The following CBLIF variants were observed in gnomAD, a reference collection of about 807,000 sequenced individuals.
CBLIF encodes cobalamin binding intrinsic factor.
Under a neutral mutation model 44.9 loss-of-function variants are expected in CBLIF, and 24 were observed. The observed-to-expected ratio is 0.53, with a 90% CI of 0.39 to 0.75. The LOEUF (loss-of-function observed/expected upper bound fraction) is 0.75. CBLIF is among the 30% of genes least tolerant of loss of function. The pLI, the probability that CBLIF is intolerant of heterozygous loss-of-function variation, is 0.00. For synonymous variants in CBLIF, 183 were observed against 190.9 expected (o/e 0.96, Z 0.34); for missense variants, 481 against 513.0 (o/e 0.94, Z 0.60).
intron 3 of CBLIF, chr11:59,842,810 G>C (rs1866555541): frequency 1.6e-6 from 1 of 641,680 alleles, no homozygotes; most frequent in African/African-American, 1.8e-5. Context: ...GTGATGGCTG[G>C]ACAAGCTTGT....
chr11:59,833,864 TA>T (rs1423984433), intron 7 of CBLIF, among the ~76,000 whole-genome samples: 1 of 152,194 alleles, frequency 6.6e-6, no homozygotes, highest in Non-Finnish European at 1.5e-5. Flanking sequence ...AAACATGCCC[TA>T]AAAGTTAATT....
At chr11:59,834,284 CTTTCTTTCTTTCTTT>C (rs1565207455) in intron 7 of CBLIF, among the ~76,000 whole-genome samples, 5 of 137,056 alleles carry the variant, frequency 3.6e-5, no homozygotes, top group Admixed American at 1.5e-4. Flanking sequence ...TTCTTTCTTT[CTTTCTTTCTTTCTTT>C]CTTTCTTTCT....
chr11:59,831,479 TTATA>T (rs3973727), intron 8 of CBLIF, 195 bp downstream of exon 8: 637 of 206,218 alleles, frequency 3.1e-3, no homozygotes, highest in South Asian at 4.3e-3. Flanking sequence ...TATGTAATGA[TTATA>T]TATATATATA....
intron 7 of CBLIF, among the ~76,000 whole-genome samples, chr11:59,835,201 A>C (rs953019018): frequency 3.3e-5 from 5 of 149,646 alleles, no homozygotes; most frequent in African/African-American, 9.9e-5. Flanking sequence ...GCTGGGGTGC[A>C]ATGGCATGAT....
At chr11:59,834,296 CTTTCTT>C (rs1866420098) in intron 7 of CBLIF, among the ~76,000 whole-genome samples, 1 of 132,554 alleles carries the variant, frequency 7.5e-6, no homozygotes. Flanking sequence ...TTCTTTCTTT[CTTTCTT>C]TCTTTCTTTC....
chr11:59,830,799 C>T (rs1361663630), intron 8 of CBLIF, among the ~76,000 whole-genome samples: 1 of 152,164 alleles, frequency 6.6e-6, no homozygotes, highest in Non-Finnish European at 1.5e-5. Context: ...CACAGATTTA[C>T]TACTAATATA....
Position 59,832,176 on chromosome 11 carries a change from G to A in CBLIF, c.1074-380C>T, listed in dbSNP as rs72931257. Reference sequence around the variant, plus strand: ...TGTCTTTGCTATTGTGAATCGTGCTGCAATGGACATGGATGGAGGCCATTA... The same window carrying A: ...TGTCTTTGCTATTGTGAATCGTGCTACAATGGACATGGATGGAGGCCATTA... On this transcript the variant is annotated intron_variant, in intron 7 of 8. Coordinates refer to ENST00000257248, the MANE Select transcript of CBLIF (RefSeq NM_005142.3). Among the ~76,000 whole-genome samples, 183 of 152,280 alleles carry A rather than the reference G, an allele frequency of 1.2e-3. 1 individual carries two copies. Among genetic ancestry groups the A allele is most frequent in the Middle Eastern group, 3.4e-3 (1 of 294 alleles).
Position 59,842,582 on chromosome 11 carries a change from G to A in CBLIF, c.372C>T (p.Ser124=), listed in dbSNP as rs999307359. 1.2e-6 allele frequency: 2 copies of A among 1,613,576 alleles called. No individual in the cohort carries two copies. Among genetic ancestry groups the A allele is most frequent in the Admixed American group, 1.7e-5 (1 of 60,004 alleles). Residue 124 remains serine, a splice_region_variant and synonymous_variant, in exon 4 of 9, where the codon AGC becomes AGT. Coordinates refer to ENST00000257248, the MANE Select transcript of CBLIF (RefSeq NM_005142.3). The part of the protein sequence containing the change: ...QRQMENWAPS[S]PNAEASAFYG... ...AGAAGGCTGATGCTTCAGCGTTGGG[G>A]CCTCCGAAGGGGATAGAGAACCTTC...
rs534187513 is a variant in CBLIF, at chr11:59,836,634, G to A, written c.871+540C>T. The stretch of plus-strand genomic sequence containing the variant: ...TTTCATATTTAGATCGTTAAGGCTC[G>A]ATTTAAATATGAATTCTGTTCTTCT... On this transcript the variant is annotated intron_variant, in intron 6 of 8. Coordinates refer to ENST00000257248, the MANE Select transcript of CBLIF (RefSeq NM_005142.3). Among the ~76,000 whole-genome samples the A allele has an allele frequency of 1.2e-4, 18 of 152,238 alleles. No individual in the cohort carries two copies. The South Asian group carries it at 3.3e-3, about 28-fold the overall frequency.
At chr11:59,834,257 T>TTTCC in intron 7 of CBLIF, among the ~76,000 whole-genome samples, 1 of 105,380 alleles carries the variant, frequency 9.5e-6, no homozygotes, top group Admixed American at 1.0e-4. Flanking sequence ...TCTTTCTTTC[T>TTTCC]TTCTTTCTTT....
intron 3 of CBLIF, 177 bp from the exon 4 acceptor site, chr11:59,842,760 C>T: frequency 1.5e-6 from 1 of 675,230 alleles, no homozygotes; most frequent in Non-Finnish European, 2.6e-6. Flanking sequence ...CATCAGGCAT[C>T]TGCAAAGAAT....
intron 2 of CBLIF, 21 bp downstream of exon 2, chr11:59,843,858 C>G (rs747778363): frequency 1.9e-6 from 3 of 1,590,096 alleles, no homozygotes; most frequent in East Asian, 2.2e-5. Flanking sequence ...AGGGAGAGTG[C>G]GAGCGGCTCA....
Position 59,843,041 on chromosome 11 carries a change from G to T in CBLIF, c.357C>A (p.Asn119Lys). 6.3e-7 allele frequency: 1 copy of T among 1,598,722 alleles called. No homozygotes were observed. The highest frequency in any genetic ancestry group is 8.6e-7 in the Non-Finnish European group (1 of 1,166,082). The change falls in exon 3 of 9, where the codon AAC becomes AAA. Residue 119 changes from asparagine to lysine, a missense_variant. Asn to Lys is a moderately conservative substitution (Grantham distance 94, BLOSUM62 0). Coordinates refer to ENST00000257248, the MANE Select transcript of CBLIF (RefSeq NM_005142.3). ...KVSILQRQMENWAPSSPNAEA... is the reference protein window; with the variant it reads ...KVSILQRQMEKWAPSSPNAEA... ...GTCAGGTCTTACTGGAAGGTGCCCA[G>T]TTCTCCATTTGTCTTTGTAGAATGG...
intron 5 of CBLIF, among the ~76,000 whole-genome samples, chr11:59,839,462 G>A (rs1866495081): frequency 6.6e-6 from 1 of 152,108 alleles, no homozygotes; most frequent in South Asian, 2.1e-4. Context: ...ATTATTATGG[G>A]GAAAATAAAA....
At chr11:59,834,348 TTC>T (rs1866424650) in intron 7 of CBLIF, among the ~76,000 whole-genome samples, 1 of 142,072 alleles carries the variant, frequency 7.0e-6, no homozygotes, top group African/African-American at 2.7e-5. Context: ...TTTTCTTTCT[TTC>T]TCTTTCTTTC....
intron 7 of CBLIF, among the ~76,000 whole-genome samples, chr11:59,833,117 C>T (rs1287256823): frequency 6.6e-6 from 1 of 152,134 alleles, no homozygotes; most frequent in East Asian, 1.9e-4. Context: ...CTCAAAATTT[C>T]TGCTCTATGT....
In CBLIF at chr11:59,840,108, A is replaced by AT. The variant is rs111658767; in HGVS notation, c.693+1034dup. 8.6e-3 allele frequency among the ~76,000 whole-genome samples: 1,265 copies of AT among 147,248 alleles called. 18 individuals carry two copies. The highest frequency in any genetic ancestry group is 0.026 in the African/African-American group (1,073 of 40,624). Reference sequence around the variant, plus strand: ...CTATATGTGGTCCATTGAAGTGGAAATTTTTTTTTTTTTGCTCTTATGTTT... The same window carrying AT: ...CTATATGTGGTCCATTGAAGTGGAAATTTTTTTTTTTTTTGCTCTTATGTTT... On this transcript the variant is annotated intron_variant, in intron 5 of 8. Transcript: ENST00000257248.
At chr11:59,842,295 C>T (rs1283250270) in intron 4 of CBLIF, 148 bp downstream of exon 4, 3 of 846,356 alleles carry the variant, frequency 3.5e-6, no homozygotes, top group South Asian at 2.8e-5. Flanking sequence ...CAACAAACAT[C>T]TGGTAAATAT....
In CBLIF at chr11:59,837,224, G is replaced by C; in HGVS notation, c.821C>G (p.Ser274Cys). 6.2e-7 allele frequency: 1 copy of C among 1,614,012 alleles called. No homozygotes were observed. Among genetic ancestry groups the C allele is most frequent in the Middle Eastern group, 1.6e-4 (1 of 6,062 alleles). ...ATCTAGGTATGTCTTGCCTTTCAGG[G>C]AAGGGAGGATTTGAGCAATGGACAT... The part of the protein sequence containing the change: ...NPMSIAQILP[S>C]LKGKTYLDVP... Residue 274 changes from serine to cysteine, a missense_variant, in exon 6 of 9, where the codon TCC becomes TGC. Transcript: ENST00000257248.
Sources: allele counts gnomAD v4.1 joint callset (sites outside exome capture counted in the v4.1 genomes callset), GRCh38; gene constraint gnomAD v4.1.1; transcripts MANE v1.5; gene names NCBI Gene and HGNC (gene_info 2026-07-23, HGNC 2026-07-21).